Variants in GLIS3 observed in about 807,000 individuals in gnomAD.
The protein encoded by GLIS3 is zinc finger protein GLIS3.
A neutral mutation model predicts 78.6 loss-of-function variants in GLIS3; 53 were observed. The ratio of observed to expected loss-of-function variants is 0.67; its 90% CI spans 0.54 to 0.85. GLIS3 has a LOEUF of 0.85. Ranked by LOEUF, GLIS3 falls within the 40% of genes least tolerant of loss-of-function variation. GLIS3 has a pLI of 0.00. For synonymous variants in GLIS3, 684 were observed against 509.9 expected (o/e 1.34, Z -4.60); for missense variants, 1,703 against 1,231.1 (o/e 1.38, Z -5.74).
the GLIS3 span, among the ~76,000 whole-genome samples, chr9:4,451,051 G>A: frequency 6.6e-6 from 1 of 152,132 alleles, no homozygotes; most frequent in Admixed American, 6.5e-5. Context: ...GGCAAGTACT[G>A]GCATATTGGA....
At chr9:3,860,943 A>G (rs923077378) in intron 8 of GLIS3, among the ~76,000 whole-genome samples, 1 of 152,190 alleles carries the variant, frequency 6.6e-6, no homozygotes, top group East Asian at 1.9e-4. Flanking sequence ...TTAGTAAGCA[A>G]TGTATCTACT....
chr9:4,396,159 T>C, the GLIS3 span, among the ~76,000 whole-genome samples: 2 of 151,790 alleles, frequency 1.3e-5, no homozygotes, highest in Non-Finnish European at 2.9e-5. Flanking sequence ...GTCACCCAGG[T>C]TGTGGTACAT....
intron 8 of GLIS3, among the ~76,000 whole-genome samples, chr9:3,871,380 G>C (rs1820958555): frequency 6.6e-6 from 1 of 152,202 alleles, no homozygotes. Flanking sequence ...TCCCAGTAGA[G>C]ACTCTGTGTG....
intron 4 of GLIS3, among the ~76,000 whole-genome samples, chr9:3,958,952 G>C (rs146283483): frequency 6.6e-6 from 1 of 152,180 alleles, no homozygotes; most frequent in South Asian, 2.1e-4. Flanking sequence ...TGAGAAGTCT[G>C]GATTAATCTT....
intron 9 of GLIS3, among the ~76,000 whole-genome samples, chr9:3,845,071 ATGTG>A (rs35747567): frequency 6.6e-6 from 1 of 151,246 alleles, no homozygotes; most frequent in African/African-American, 2.4e-5. Context: ...ATATATATAT[ATGTG>A]TGTGTGTGTG....
At chr9:3,955,529 C>A (rs1326782261) in intron 4 of GLIS3, among the ~76,000 whole-genome samples, 1 of 152,002 alleles carries the variant, frequency 6.6e-6, no homozygotes, top group Admixed American at 6.6e-5. Flanking sequence ...TGGTATTTTA[C>A]AAACTTAAAA....
chr9:4,340,408 G>A (rs1383312856), intron 2 of GLIS3, among the ~76,000 whole-genome samples: 2 of 152,024 alleles, frequency 1.3e-5, no homozygotes, highest in African/African-American at 2.4e-5. Context: ...CAATTAAAAG[G>A]CAACTCAATT....
intron 2 of GLIS3, among the ~76,000 whole-genome samples, chr9:4,281,979 C>T (rs541285002): frequency 6.6e-6 from 1 of 152,192 alleles, no homozygotes; most frequent in South Asian, 2.1e-4. Flanking sequence ...ATATTAAAGC[C>T]ACTGTTATTT....
At chr9:4,093,330 C>T (rs1829679617) in intron 4 of GLIS3, among the ~76,000 whole-genome samples, 1 of 152,056 alleles carries the variant, frequency 6.6e-6, no homozygotes. Flanking sequence ...GAGCCAGTCA[C>T]TTTGCCCCCA....
chr9:3,973,861 A>T (rs997571026), intron 4 of GLIS3, among the ~76,000 whole-genome samples: 2 of 152,134 alleles, frequency 1.3e-5, no homozygotes, highest in Non-Finnish European at 2.9e-5. Context: ...TCGACATCTT[A>T]TTTTTGTAAA....
chr9:4,474,697 AT>A, the GLIS3 span, among the ~76,000 whole-genome samples: 53,135 of 127,940 alleles, frequency 0.42, 9,685 homozygotes, highest in Non-Finnish European at 0.53. Flanking sequence ...GTCCAAAGCA[AT>A]TTTTTTTTTT....
chr9:4,243,293 G>A (rs1487183550), intron 2 of GLIS3, among the ~76,000 whole-genome samples: 1 of 152,178 alleles, frequency 6.6e-6, no homozygotes, highest in Admixed American at 6.5e-5. Context: ...GGATCAGTCA[G>A]AGTGATTGAG....
chr9:3,941,649 C>T (rs1435951270), intron 4 of GLIS3, among the ~76,000 whole-genome samples: 2 of 152,054 alleles, frequency 1.3e-5, no homozygotes, highest in East Asian at 3.9e-4. Context: ...AGTGGCTTTG[C>T]GGACACATAT....
intron 8 of GLIS3, among the ~76,000 whole-genome samples, chr9:3,864,540 C>G (rs1384548566): frequency 6.6e-6 from 1 of 152,190 alleles, no homozygotes; most frequent in Non-Finnish European, 1.5e-5. Flanking sequence ...CAAGTGTGGT[C>G]AGGTACCTTT....
intron 9 of GLIS3, 116 bp from the exon 10 acceptor site, chr9:3,829,608 C>A: frequency 1.1e-6 from 1 of 939,866 alleles, no homozygotes; most frequent in East Asian, 2.5e-5. Context: ...GCCTTTAACT[C>A]TTAAGGCCAC....
intron 4 of GLIS3, among the ~76,000 whole-genome samples, chr9:4,009,166 G>A (rs1044160785): frequency 9.9e-5 from 15 of 152,142 alleles, no homozygotes; most frequent in Admixed American, 8.5e-4. Context: ...TTCCAGAGCC[G>A]TTCCTGAACG....
intron 9 of GLIS3, among the ~76,000 whole-genome samples, chr9:3,846,514 C>T (rs1326721772): frequency 1.3e-5 from 2 of 152,200 alleles, no homozygotes; most frequent in Non-Finnish European, 2.9e-5. Flanking sequence ...TGTGCCAAGT[C>T]TGAAACAGGG....
chr9:4,436,513 G>C, the GLIS3 span, among the ~76,000 whole-genome samples: 1 of 151,988 alleles, frequency 6.6e-6, no homozygotes, highest in Non-Finnish European at 1.5e-5. Flanking sequence ...CTTACCTTAA[G>C]AGACGGCAAG....
At chr9:4,306,411 G>C (rs138487175) in intron 4 of GLIS3, among the ~76,000 whole-genome samples, 1 of 152,276 alleles carries the variant, frequency 6.6e-6, no homozygotes, top group East Asian at 1.9e-4. Context: ...CCCGCTTTCA[G>C]ACCAGCTAGT....
Sources: allele counts gnomAD v4.1 joint callset (sites outside exome capture counted in the v4.1 genomes callset), GRCh38; gene constraint gnomAD v4.1.1; transcripts MANE v1.5; gene names NCBI Gene and HGNC (gene_info 2026-07-23, HGNC 2026-07-21).